PCDHGA2: variants seen among roughly 807,000 people sequenced by gnomAD.
PCDHGA2 encodes protocadherin gamma-A2.
Under a neutral mutation model 59.2 loss-of-function variants are expected in PCDHGA2, and 40 were observed. That is an observed-to-expected ratio of 0.68 (90% CI 0.52 to 0.88). The LOEUF is 0.88. Ranked by LOEUF, PCDHGA2 falls within the 40% of genes least tolerant of loss-of-function variation. The probability of loss-of-function intolerance (pLI) is 0.00; values close to 1 mark genes in which losing one functional copy is unlikely to be tolerated. For missense variants in PCDHGA2, 1,226 were observed against 1,204.0 expected (o/e 1.02, Z -0.27); for synonymous variants, 560 against 526.0 (o/e 1.06, Z -0.89).
At chr5:141,344,484 C>G in intron 1 of PCDHGA2, 2 of 1,613,882 alleles carry the variant, frequency 1.2e-6, no homozygotes, top group Non-Finnish European at 1.7e-6. Flanking sequence ...TCCTGGAACC[C>G]GATTTCCAAT....
rs1195316502 is a variant in PCDHGA2 at position 141,431,006 on chromosome 5, A to G, written c.2425-63801A>G. 1.2e-6 allele frequency: 2 copies of G among 1,614,116 alleles called. No individual in the cohort carries two copies. Among genetic ancestry groups the G allele is most frequent in the South Asian group, 2.2e-5 (2 of 91,078 alleles). ...TTTCGCCCTGAATCCGCGCAGCGGC[A>G]GCTTGGTCACGGCGGGCAGGATAGA... On this transcript the variant is annotated intron_variant, in intron 1 of 3. Transcript: ENST00000394576. The surrounding 1 kb of genome is among the most constrained non-coding windows in gnomAD (Gnocchi z 4.8).
In PCDHGA2 at chr5:141,476,132, T is replaced by C. The variant is rs751708569; in HGVS notation, c.2425-18675T>C. 2 of 1,607,820 alleles carry C rather than the reference T, an allele frequency of 1.2e-6. No homozygotes were observed. The highest frequency in any genetic ancestry group is 1.1e-5 in the South Asian group (1 of 90,582). On this transcript the variant is annotated intron_variant, in intron 1 of 3. Coordinates refer to ENST00000394576, the MANE Select transcript of PCDHGA2 (RefSeq NM_018915.4). The surrounding 1 kb of genome is among the most constrained non-coding windows in gnomAD (Gnocchi z 7.6). ...TTTGAGTGAGATGGTCCCAGAGGCC[T>C]GGAGGAGCGGACTGGTAAGCACCGG...
intron 1 of PCDHGA2, among the ~76,000 whole-genome samples, chr5:141,368,006 C>A (rs975093314): frequency 1.3e-5 from 2 of 152,188 alleles, no homozygotes; most frequent in African/African-American, 2.4e-5. Flanking sequence ...TAATGAAATA[C>A]TGGCCTATGT....
Position 141,408,151 on chromosome 5 carries a change from T to G in PCDHGA2, c.2424+66756T>G, listed in dbSNP as rs2154539780. ...CGAATGCTCTTTTAGCGCGGTAGAG[T>G]GCACTTTCTCCAACTGGAAAAGCGG... On this transcript the variant is annotated intron_variant, in intron 1 of 3. Transcript: ENST00000394576. 3.3e-6 allele frequency: 5 copies of G among 1,506,938 alleles called. No individual in the cohort carries two copies. In the East Asian group the frequency reaches 1.2e-4, roughly 37 times the overall value. 93.3% of individuals were successfully genotyped at this position (1,506,938 alleles called of 1,614,324 possible). A position where few individuals can be genotyped will look rare whatever the true frequency, so the allele number is the denominator to read the frequency against.
chr5:141,410,158 G>T (rs755466762), intron 1 of PCDHGA2: 2 of 1,613,516 alleles, frequency 1.2e-6, no homozygotes, highest in Non-Finnish European at 8.5e-7. Context: ...GTGGACAGCC[G>T]CCACTCTCTG....
chr5:141,431,724 T>G lies in PCDHGA2; in HGVS notation c.2425-63083T>G, dbSNP rs758754345. On this transcript the variant is annotated intron_variant, in intron 1 of 3. Transcript: ENST00000394576. The surrounding 1 kb of genome is among the most constrained non-coding windows in gnomAD (Gnocchi z 4.8). ...TTCTACCAGATGGAAGTGCAAGCAA[T>G]GGATAATGCAGGATATTCTGCGCGA... 1 of 1,614,036 alleles carries G rather than the reference T, an allele frequency of 6.2e-7. No individual in the cohort carries two copies. Among genetic ancestry groups the G allele is most frequent in the Non-Finnish European group, 8.5e-7 (1 of 1,180,036 alleles).
intron 1 of PCDHGA2, chr5:141,355,396 A>T (rs1561508735): frequency 6.2e-7 from 1 of 1,614,080 alleles, no homozygotes; most frequent in Non-Finnish European, 8.5e-7. Context: ...CGGAGTCCGC[A>T]TCGTCTCCAG....
chr5:141,373,338 G>T (rs1251212812), intron 1 of PCDHGA2, among the ~76,000 whole-genome samples: 1 of 152,166 alleles, frequency 6.6e-6, no homozygotes, highest in Non-Finnish European at 1.5e-5. Context: ...ATCTAAAATG[G>T]CAACTCTTGT....
At chr5:141,419,313 G>T in intron 1 of PCDHGA2, 1 of 1,613,974 alleles carries the variant, frequency 6.2e-7, no homozygotes, top group Non-Finnish European at 8.5e-7. Context: ...GGGCTCAACG[G>T]CCGTGTCTCC....
chr5:141,496,923 C>T (rs963522127), intron 2 of PCDHGA2, among the ~76,000 whole-genome samples: 9 of 150,728 alleles, frequency 6.0e-5, no homozygotes, highest in East Asian at 1.9e-4. Context: ...CTGTGGTTCA[C>T]GCCTGTAATC....
chr5:141,397,738 C>T (rs1211172946), intron 1 of PCDHGA2, among the ~76,000 whole-genome samples: 1 of 152,162 alleles, frequency 6.6e-6, no homozygotes, highest in East Asian at 1.9e-4. Flanking sequence ...AGAAAGATAC[C>T]TTAAAGAAGT....
intron 1 of PCDHGA2, chr5:141,398,612 T>C (rs756084003): frequency 2.5e-6 from 4 of 1,614,024 alleles, no homozygotes; most frequent in East Asian, 2.2e-5. Flanking sequence ...GATGCAGATA[T>C]TGGCTTAAAC....
rs1484954022 is a variant in PCDHGA2 at position 141,511,920 on chromosome 5, T to C, written c.*747T>C. 1 of 156,200 alleles carries C rather than the reference T, an allele frequency of 6.4e-6. No individual in the cohort carries two copies. Among genetic ancestry groups the C allele is most frequent in the Non-Finnish European group, 1.4e-5 (1 of 70,262 alleles). The allele number at this position is 156,200 out of a possible 1,614,324, so 9.7% of individuals were successfully genotyped here. The stretch of plus-strand genomic sequence containing the variant: ...CTCCTCCTCAAACAAGAGACTCCAC[T>C]GCATGTTCCAAGACAGTATGGGGTG... On this transcript the variant is annotated 3_prime_UTR_variant, in exon 4 of 4. Coordinates refer to ENST00000394576, the MANE Select transcript of PCDHGA2 (RefSeq NM_018915.4).
intron 1 of PCDHGA2, among the ~76,000 whole-genome samples, chr5:141,434,248 G>A (rs1347428778): frequency 2.0e-5 from 3 of 152,188 alleles, no homozygotes; most frequent in Non-Finnish European, 2.9e-5. Flanking sequence ...GATGACTTGG[G>A]CATTGTGGGG....
At chr5:141,417,787 T>C in intron 1 of PCDHGA2, 1 of 1,477,124 alleles carries the variant, frequency 6.8e-7, no homozygotes, top group Non-Finnish European at 9.0e-7. Flanking sequence ...CTGGGCCGAA[T>C]GCTCTTTTAG....
intron 1 of PCDHGA2, chr5:141,360,386 T>C: frequency 6.2e-7 from 1 of 1,613,898 alleles, no homozygotes; most frequent in Non-Finnish European, 8.5e-7. Flanking sequence ...AGCGGAGACT[T>C]ACTTGTGAGT....
chr5:141,384,283 G>C (rs762515266), intron 1 of PCDHGA2: 19 of 1,613,644 alleles, frequency 1.2e-5, no homozygotes, highest in South Asian at 2.2e-5. Flanking sequence ...AGTCTACATC[G>C]CTGAGAACAA....
Position 141,431,962 on chromosome 5 carries a change from C to G in PCDHGA2, c.2425-62845C>G. 1.2e-6 allele frequency: 2 copies of G among 1,614,190 alleles called. No homozygotes were observed. Among genetic ancestry groups the G allele is most frequent in the South Asian group, 2.2e-5 (2 of 91,086 alleles). ...AATTAGAAAAATCTTACGGAAATTACTATAGTTTAGTCACAGACATAGTCT... is the reference window on the plus strand; with the variant it reads ...AATTAGAAAAATCTTACGGAAATTAGTATAGTTTAGTCACAGACATAGTCT... On this transcript the variant is annotated intron_variant, in intron 1 of 3. Transcript: ENST00000394576. The surrounding 1 kb of genome is among the most constrained non-coding windows in gnomAD (Gnocchi z 4.8).
chr5:141,401,171 G>T (rs1222326375), intron 1 of PCDHGA2, among the ~76,000 whole-genome samples: 1 of 152,054 alleles, frequency 6.6e-6, no homozygotes, highest in African/African-American at 2.4e-5. Flanking sequence ...GTGAAAACCC[G>T]TCTCTACTAA....
Sources: gnomAD v4.1 joint callset for allele counts (sites outside exome capture counted in the v4.1 genomes callset) on GRCh38, gnomAD v4.1.1 for gene constraint, Gnocchi (gnomAD v3.1) non-coding constraint, MANE v1.5 for transcripts, NCBI Gene and HGNC (gene_info 2026-07-23, HGNC 2026-07-21) for gene names.